LSS: variants seen among roughly 807,000 people sequenced by gnomAD.
LSS encodes the protein 2,3-epoxysqualene-lanosterol cyclase.
A neutral mutation model predicts 110.3 loss-of-function variants in LSS; 90 were observed. That is an observed-to-expected ratio of 0.82 (90% CI 0.69 to 0.97). LSS has a LOEUF of 0.97. Among genes scored for constraint, LSS ranks in the 50% least tolerant of loss-of-function variants. The probability of loss-of-function intolerance (pLI) is 0.00; values close to 1 mark genes in which losing one functional copy is unlikely to be tolerated. For missense variants in LSS, 927 were observed against 990.0 expected, an observed-to-expected ratio of 0.94 and a Z score of 0.85; for synonymous variants, 433 against 400.0, an observed-to-expected ratio of 1.08 and a Z score of -0.98.
Position 46,190,592 on chromosome 21 carries a change from T to C in LSS, c.*512A>G, listed in dbSNP as rs907494533. The C allele has an allele frequency of 6.2e-6, 1 of 161,298 alleles. No individual in the cohort carries two copies. Among genetic ancestry groups the C allele is most frequent in the Non-Finnish European group, 1.4e-5 (1 of 74,060 alleles). 10.0% of individuals were successfully genotyped at this position (161,298 alleles called of 1,614,324 possible). A position where few individuals can be genotyped will look rare whatever the true frequency, so the allele number is the denominator to read the frequency against. On this transcript the variant is annotated 3_prime_UTR_variant, in exon 22 of 22. Transcript: ENST00000397728. This position sits in a 1 kb window ranked among gnomAD's most constrained non-coding sequence, Gnocchi z 4.6. The stretch of plus-strand genomic sequence containing the variant: ...GATGCTCCATGAGCAACCCCCGCAC[T>C]GGGCTATTCACGGATGCACACTACC...
chr21:46,213,192 AGCTGGGCT>A, intron 10 of LSS, 140 bp from the exon 11 acceptor site: 1 of 784,632 alleles, frequency 1.3e-6, no homozygotes, highest in South Asian at 1.4e-5. Flanking sequence ...ATGCCACCCC[AGCTGGGCT>A]GCTGGGCTCC....
intron 17 of LSS, among the ~76,000 whole-genome samples, chr21:46,198,744 T>G (rs1204478049): frequency 6.6e-6 from 1 of 151,356 alleles, no homozygotes; most frequent in Non-Finnish European, 1.5e-5. Flanking sequence ...AGTCAACTGA[T>G]TTTTTACAAA....
intron 20 of LSS, 100 bp from the exon 21 acceptor site, chr21:46,192,059 G>A (rs2079824320): frequency 1.1e-6 from 1 of 928,960 alleles, no homozygotes; most frequent in East Asian, 2.6e-5. Flanking sequence ...CTGGAATGCT[G>A]CAGTGAGAAT....
chr21:46,227,492 C>T (rs990734074), intron 3 of LSS, 60 bp downstream of exon 3: 4 of 1,591,788 alleles, frequency 2.5e-6, no homozygotes, highest in Non-Finnish European at 2.6e-6. Context: ...CAGGCTGGGC[C>T]AGGATCCCAA....
intron 3 of LSS, chr21:46,227,214 C>T (rs2080350985): frequency 7.7e-6 from 2 of 259,402 alleles, no homozygotes; most frequent in Non-Finnish European, 1.5e-5. Flanking sequence ...TGCCCACCTA[C>T]AGCCCCTTGG....
Position 46,188,963 on chromosome 21 carries a change from C to A in LSS, c.*2141G>T, listed in dbSNP as rs56173768. ...TATTATCTCTTAAAATATCTGTTTT[C>A]CCTCAGGTAACTGGAGACGCACCCT... On this transcript the variant is annotated 3_prime_UTR_variant, in exon 22 of 22. Coordinates refer to ENST00000397728, the MANE Select transcript of LSS (RefSeq NM_002340.6). 66,299 of 360,624 alleles carry A rather than the reference C, an allele frequency of 0.18. 6,985 individuals carry two copies. The highest frequency in any genetic ancestry group is 0.22 in the Non-Finnish European group (39,228 of 178,824). The allele number at this position is 360,624 out of a possible 1,614,324, so 22.3% of individuals were successfully genotyped here. A position where few individuals can be genotyped will look rare whatever the true frequency, so the allele number is the denominator to read the frequency against.
intron 9 of LSS, among the ~76,000 whole-genome samples, 199 bp from the exon 10 acceptor site, chr21:46,214,034 A>C (rs999613178): frequency 6.6e-6 from 1 of 152,184 alleles, no homozygotes; most frequent in South Asian, 2.1e-4. Flanking sequence ...GACCCAACTC[A>C]GACAGAGGCA....
chr21:46,209,628 G>T lies in LSS; in HGVS notation c.1195-3C>A. 1 of 1,607,062 alleles carries T rather than the reference G, an allele frequency of 6.2e-7. No homozygotes were observed. The highest frequency in any genetic ancestry group is 8.5e-7 in the Non-Finnish European group (1 of 1,177,248). ...TCGGGCCTGTGGTGCCCGCCCGCCT[G>T]GAAGAGACAGCAGGACAGAGAGGCT... On this transcript the variant is annotated splice_region_variant and splice_polypyrimidine_tract_variant and intron_variant, in intron 12 of 21. Transcript: ENST00000397728. This position sits in a 1 kb window ranked among gnomAD's most constrained non-coding sequence, Gnocchi z 4.4.
At position 46,188,571 on chromosome 21, in the gene LSS, T is replaced by A. The variant is rs1486927996; in HGVS notation, c.*2533A>T. 6.4e-6 allele frequency: 3 copies of A among 465,982 alleles called. No homozygotes were observed. Among genetic ancestry groups the A allele is most frequent in the African/African-American group, 6.0e-5 (3 of 49,922 alleles). 28.9% of individuals were successfully genotyped at this position (465,982 alleles called of 1,614,324 possible). ...AAGAGCATGTCAGGGTGATGAGTCATCTGGGACAGGTCACCCTCCCAGCAC... is the reference window on the plus strand; with the variant it reads ...AAGAGCATGTCAGGGTGATGAGTCAACTGGGACAGGTCACCCTCCCAGCAC... On this transcript the variant is annotated 3_prime_UTR_variant, in exon 22 of 22. Coordinates refer to ENST00000397728, the MANE Select transcript of LSS (RefSeq NM_002340.6).
At chr21:46,211,139 T>G (rs943591393) in intron 11 of LSS, among the ~76,000 whole-genome samples, 1 of 152,168 alleles carries the variant, frequency 6.6e-6, no homozygotes, top group African/African-American at 2.4e-5. Context: ...CATTTCTTTT[T>G]TTTTTGAGAT....
intron 3 of LSS, among the ~76,000 whole-genome samples, chr21:46,226,056 G>C (rs9984242): frequency 0.56 from 84,879 of 151,144 alleles, 25,337 homozygotes; most frequent in African/African-American, 0.78. Flanking sequence ...GAATCACTTG[G>C]ACCCAGGAGG....
At chr21:46,219,378 T>C in intron 6 of LSS, 98 bp downstream of exon 6, 1 of 406,300 alleles carries the variant, frequency 2.5e-6, no homozygotes, top group Non-Finnish European at 4.4e-6. Context: ...TGCCCACCCC[T>C]CTCTGCTGTC....
chr21:46,217,464 G>T (rs544432115), intron 6 of LSS, among the ~76,000 whole-genome samples: 37 of 152,230 alleles, frequency 2.4e-4, no homozygotes, highest in African/African-American at 8.9e-4. Context: ...TTAAGTGAGG[G>T]TGAGCAATGC....
At chr21:46,202,803 G>C (rs1001219388) in intron 17 of LSS, among the ~76,000 whole-genome samples, 3 of 152,174 alleles carry the variant, frequency 2.0e-5, no homozygotes, top group East Asian at 1.9e-4. Context: ...CTTGAGCCCG[G>C]AAGTTTGAGA....
chr21:46,224,677 A>T (rs2080315628), intron 3 of LSS: 1 of 152,286 alleles, frequency 6.6e-6, no homozygotes, highest in Non-Finnish European at 1.5e-5. Context: ...TCAGCCAGTA[A>T]ATGGTGGGGC....
rs1205754489 is a variant in LSS at position 46,209,131 on chromosome 21, G to A, written c.1266+423C>T. Among the ~76,000 whole-genome samples the A allele has an allele frequency of 1.3e-5, 2 of 152,314 alleles. No homozygotes were observed. The highest frequency in any genetic ancestry group is 4.8e-5 in the African/African-American group (2 of 41,570). On this transcript the variant is annotated intron_variant, in intron 13 of 21. Coordinates refer to ENST00000397728, the MANE Select transcript of LSS (RefSeq NM_002340.6). This position sits in a 1 kb window ranked among gnomAD's most constrained non-coding sequence, Gnocchi z 4.4. ...GGTCTGTGGGCAGCTGATCTGGCAG[G>A]AGGGACCGGGGCTTTTGCTGCAAAC...
rs927309401 is a variant in LSS, at chr21:46,222,758, T to C, written c.320-20A>G. ...GGAGGCCTGTGTGGCAGGAGAGATG[T>C]TCCTCACTGGGGACAGGTGGTCATG... On this transcript the variant is annotated intron_variant, in intron 3 of 21. Transcript: ENST00000397728. The C allele has an allele frequency of 1.3e-6, 2 of 1,590,614 alleles. No homozygotes were observed. The highest frequency in any genetic ancestry group is 1.7e-6 in the Non-Finnish European group (2 of 1,159,908).
intron 3 of LSS, among the ~76,000 whole-genome samples, chr21:46,223,931 G>C (rs1359380214): frequency 6.6e-6 from 1 of 152,256 alleles, no homozygotes; most frequent in South Asian, 2.1e-4. Context: ...GGAAAGGGAG[G>C]CTCCCTTTCC....
Position 46,196,210 on chromosome 21 carries a change from G to A in LSS, c.1728C>T (p.Ser576=), listed in dbSNP as rs777196578. The part of the protein sequence containing the change: ...FCRRQQRADG[S]WEGSWGVCFT... ...AGTGGAGGCTCACTCACCCTTCCCA[G>A]GAGCCATCGGCCCTCTGCTGCCGCC... The change falls in exon 18 of 22, where the codon TCC becomes TCT. Residue 576 remains serine, a synonymous_variant. Coordinates refer to ENST00000397728, the MANE Select transcript of LSS (RefSeq NM_002340.6). The A allele has an allele frequency of 4.7e-5, 76 of 1,613,998 alleles. No individual in the cohort carries two copies. Among genetic ancestry groups the A allele is most frequent in the Non-Finnish European group, 6.1e-5 (72 of 1,180,038 alleles).
Sources: allele counts gnomAD v4.1 joint callset (sites outside exome capture counted in the v4.1 genomes callset), GRCh38; gene constraint gnomAD v4.1.1; non-coding constraint Gnocchi (gnomAD v3.1); transcripts MANE v1.5; gene names NCBI Gene and HGNC (gene_info 2026-07-23, HGNC 2026-07-21).